The following RBFOX1 variants were observed in gnomAD, a reference collection of about 807,000 sequenced individuals.
RBFOX1 encodes the protein RNA binding fox-1 homolog 1.
Under a neutral mutation model 57.7 loss-of-function variants are expected in RBFOX1, and 8 were observed. The observed-to-expected ratio is 0.14, with a 90% CI of 0.08 to 0.25. The LOEUF is 0.25. RBFOX1 is among the 10% of genes least tolerant of loss of function. The probability of loss-of-function intolerance (pLI) is 1.00; values close to 1 mark genes in which losing one functional copy is unlikely to be tolerated. For missense variants in RBFOX1, 611 were observed against 548.5 expected (o/e 1.11, Z -1.14); for synonymous variants, 326 against 222.4 (o/e 1.47, Z -4.15).
chr16:5,315,501 C>T (rs186927342), intron 1 of RBFOX1, among the ~76,000 whole-genome samples: 1 of 152,280 alleles, frequency 6.6e-6, no homozygotes, highest in African/African-American at 2.4e-5. Context: ...TGCGTAGCTG[C>T]ACCCCAAGCT....
intron 1 of RBFOX1, among the ~76,000 whole-genome samples, chr16:5,402,874 C>CAT (rs763525264): frequency 1.2e-4 from 18 of 152,142 alleles, no homozygotes; most frequent in Non-Finnish European, 2.2e-4. Flanking sequence ...GTGCCAGCCG[C>CAT]ATACTAGTAA....
chr16:7,156,414 CG>C lies in RBFOX1; in HGVS notation c.27+104317del, dbSNP rs1029680257. 9.9e-4 allele frequency among the ~76,000 whole-genome samples: 150 copies of C among 151,580 alleles called. 1 individual carries two copies. The highest frequency in any genetic ancestry group is 3.4e-3 in the African/African-American group (142 of 41,310). On this transcript the variant is annotated intron_variant, in intron 4 of 15. Coordinates refer to ENST00000550418, the MANE Select transcript of RBFOX1 (RefSeq NM_018723.4). ...ACACATACATGTACATATATGTGTGCGTATAGTTGTACATACACATGTAGAT... is the reference window on the plus strand; with the variant it reads ...ACACATACATGTACATATATGTGTGCTATAGTTGTACATACACATGTAGAT...
intron 4 of RBFOX1, among the ~76,000 whole-genome samples, chr16:7,272,722 G>C (rs2153124219): frequency 6.6e-6 from 1 of 152,220 alleles, no homozygotes; most frequent in South Asian, 2.1e-4. Flanking sequence ...GGAGGAAACA[G>C]ACGCAGCTGA....
chr16:5,784,522 CT>C (rs758420566), intron 3 of RBFOX1, among the ~76,000 whole-genome samples: 12 of 152,116 alleles, frequency 7.9e-5, no homozygotes, highest in Non-Finnish European at 1.3e-4. Context: ...AAACAACCAT[CT>C]CTTGTAATAA....
intron 4 of RBFOX1, among the ~76,000 whole-genome samples, chr16:7,469,447 G>T (rs999620550): frequency 1.3e-5 from 2 of 152,098 alleles, no homozygotes; most frequent in Non-Finnish European, 2.9e-5. Context: ...TTTGTCACTT[G>T]CAATGACCTT....
At chr16:7,672,494 T>A (rs764113351) in intron 13 of RBFOX1, among the ~76,000 whole-genome samples, 16 of 152,132 alleles carry the variant, frequency 1.1e-4, no homozygotes, top group Non-Finnish European at 1.3e-4. Flanking sequence ...AAGAGCAATA[T>A]GGTTAAAATT....
chr16:7,426,157 G>T (rs928295246), intron 4 of RBFOX1, among the ~76,000 whole-genome samples: 1 of 152,156 alleles, frequency 6.6e-6, no homozygotes, highest in Non-Finnish European at 1.5e-5. Flanking sequence ...CCTAGGCAGG[G>T]TCTACACCTT....
intron 3 of RBFOX1, among the ~76,000 whole-genome samples, chr16:5,765,044 C>G (rs963589609): frequency 6.6e-6 from 1 of 152,148 alleles, no homozygotes; most frequent in East Asian, 1.9e-4. Context: ...TCAGGAAACA[C>G]CATCAAATGT....
chr16:6,957,632 C>G (rs965742856), intron 3 of RBFOX1, among the ~76,000 whole-genome samples: 1 of 151,998 alleles, frequency 6.6e-6, no homozygotes, highest in East Asian at 1.9e-4. Context: ...TCTTTATGAC[C>G]CGTATCTTGT....
At chr16:7,313,989 A>G (rs1317843571) in intron 4 of RBFOX1, among the ~76,000 whole-genome samples, 1 of 152,300 alleles carries the variant, frequency 6.6e-6, no homozygotes, top group Middle Eastern at 3.4e-3. Context: ...AGGACTTGCC[A>G]AAAGAGGAAA....
intron 4 of RBFOX1, among the ~76,000 whole-genome samples, chr16:7,469,954 A>C (rs1202737887): frequency 6.6e-6 from 1 of 150,890 alleles, no homozygotes; most frequent in African/African-American, 2.4e-5. Context: ...TGACTGGCTT[A>C]TTTCTCTTAG....
chr16:6,592,918 C>G (rs1372925277), intron 2 of RBFOX1, among the ~76,000 whole-genome samples: 2 of 151,992 alleles, frequency 1.3e-5, no homozygotes, highest in African/African-American at 2.4e-5. Flanking sequence ...ATTGGCTGGG[C>G]ACGGTGGCTC....
chr16:7,450,752 G>A (rs576102905), intron 4 of RBFOX1, among the ~76,000 whole-genome samples: 1 of 152,252 alleles, frequency 6.6e-6, no homozygotes, highest in East Asian at 1.9e-4. Flanking sequence ...TTGCTGAGTG[G>A]GTGTTGAGGA....
chr16:5,344,878 G>A (rs1041189495), intron 1 of RBFOX1, among the ~76,000 whole-genome samples: 1 of 152,180 alleles, frequency 6.6e-6, no homozygotes, highest in East Asian at 1.9e-4. Flanking sequence ...AAGGCATGTT[G>A]ATATCAATAA....
At chr16:6,388,790 A>G (rs78750821) in intron 2 of RBFOX1, among the ~76,000 whole-genome samples, 1 of 152,132 alleles carries the variant, frequency 6.6e-6, no homozygotes, top group Non-Finnish European at 1.5e-5. Flanking sequence ...GCAATATGGA[A>G]GAACCTGGAG....
chr16:7,280,415 A>C (rs1603481840), intron 4 of RBFOX1, among the ~76,000 whole-genome samples: 1 of 152,346 alleles, frequency 6.6e-6, no homozygotes, highest in African/African-American at 2.4e-5. Flanking sequence ...ACAATGTCCA[A>C]GGGATCCCCA....
At chr16:6,859,536 G>A (rs2058641057) in intron 3 of RBFOX1, among the ~76,000 whole-genome samples, 1 of 151,806 alleles carries the variant, frequency 6.6e-6, no homozygotes, top group African/African-American at 2.4e-5. Flanking sequence ...AAATGTGAGT[G>A]GTTTTTATGC....
intron 3 of RBFOX1, among the ~76,000 whole-genome samples, chr16:6,845,152 CTT>C (rs1555523238): frequency 6.5e-5 from 1 of 15,466 alleles, no homozygotes; most frequent in Non-Finnish European, 1.8e-4. Context: ...CTGGTAGTTT[CTT>C]TTTCTGCACA....
At position 6,878,130 on chromosome 16, in the gene RBFOX1, G is replaced by C. The variant is rs572625607; in HGVS notation, c.-15-173927G>C. Among the ~76,000 whole-genome samples the C allele has an allele frequency of 5.9e-5, 9 of 152,240 alleles. 1 individual carries two copies. The South Asian group carries it at 1.4e-3, about 25-fold the overall frequency. ...GTGTATGCAAGGACTTCTAAGAGAA[G>C]TGATAGCTAATGTTTGTGTTGCTAC... On this transcript the variant is annotated intron_variant, in intron 3 of 15. Coordinates refer to ENST00000550418, the MANE Select transcript of RBFOX1 (RefSeq NM_018723.4).
Sources: gnomAD v4.1 joint callset for allele counts (sites outside exome capture counted in the v4.1 genomes callset) on GRCh38, gnomAD v4.1.1 for gene constraint, MANE v1.5 for transcripts, NCBI Gene and HGNC (gene_info 2026-07-23, HGNC 2026-07-21) for gene names.